Variants in TENM2 observed in about 807,000 individuals in gnomAD.
The protein encoded by TENM2 is teneurin-2.
TENM2 carries 52 observed loss-of-function variants against 245.2 expected under a neutral mutation model. The observed-to-expected ratio is 0.21, with a 90% confidence interval of 0.17 to 0.27. The LOEUF (loss-of-function observed/expected upper bound fraction) is 0.27, where lower values mean the gene tolerates loss of function less well. Among genes scored for constraint, TENM2 ranks in the 10% least tolerant of loss-of-function variants. The pLI is 1.00. For missense variants in TENM2, 3,046 were observed against 3,666.8 expected (o/e 0.83, Z 4.37); for synonymous variants, 1,363 against 1,438.9 (o/e 0.95, Z 1.19).
At chr5:167,465,786 G>A (rs959421158) in intron 2 of TENM2, among the ~76,000 whole-genome samples, 4 of 152,046 alleles carry the variant, frequency 2.6e-5, no homozygotes, top group South Asian at 2.1e-4. Context: ...AGCGGAGATC[G>A]CGCCACTGCA....
chr5:167,837,678 T>A (rs1421449477), intron 2 of TENM2, among the ~76,000 whole-genome samples: 1 of 152,196 alleles, frequency 6.6e-6, no homozygotes, highest in African/African-American at 2.4e-5. Context: ...AACTTTAAAT[T>A]CTCTGTGCTT....
In TENM2 at chr5:167,815,664, C is replaced by T. The variant is rs184642428; in HGVS notation, c.503-60322C>T. Among the ~76,000 whole-genome samples the T allele has an allele frequency of 4.2e-4, 64 of 152,234 alleles. No homozygotes were observed. In the East Asian group the frequency reaches 9.1e-3, roughly 22 times the overall value. ...ACAAAGCCTTCCTTAGAATAATGCCCACAGTGACTGTCCTCCCTAGCAATA... is the reference window on the plus strand; with the variant it reads ...ACAAAGCCTTCCTTAGAATAATGCCTACAGTGACTGTCCTCCCTAGCAATA... On this transcript the variant is annotated intron_variant, in intron 2 of 28. Transcript: ENST00000518659.
intron 2 of TENM2, among the ~76,000 whole-genome samples, chr5:167,804,198 A>G (rs1026466516): frequency 6.6e-6 from 1 of 152,022 alleles, no homozygotes; most frequent in African/African-American, 2.4e-5. Flanking sequence ...CCAAGAAAGC[A>G]TGTTTTACAG....
chr5:167,140,864 A>G, the TENM2 span, among the ~76,000 whole-genome samples: 2 of 152,208 alleles, frequency 1.3e-5, no homozygotes, highest in African/African-American at 4.8e-5. Context: ...CTTAATAAAG[A>G]CCAAGAACAA....
intron 9 of TENM2, among the ~76,000 whole-genome samples, chr5:168,114,943 T>C (rs780179555): frequency 4.6e-4 from 70 of 152,108 alleles, no homozygotes; most frequent in Non-Finnish European, 8.7e-4. Context: ...TTCTAGACAA[T>C]CCTGTTTTTT....
the TENM2 span, among the ~76,000 whole-genome samples, chr5:167,061,240 T>A: frequency 6.6e-6 from 1 of 152,238 alleles, no homozygotes; most frequent in East Asian, 1.9e-4. Context: ...AATGCTCCTA[T>A]TATACGCATT....
At chr5:168,101,303 G>A (rs1027170125) in intron 9 of TENM2, among the ~76,000 whole-genome samples, 2 of 152,128 alleles carry the variant, frequency 1.3e-5, no homozygotes, top group African/African-American at 2.4e-5. Context: ...TCAGCCGCAC[G>A]GCCCGTGAGC....
chr5:168,256,780 A>G (rs990656689), intron 27 of TENM2, among the ~76,000 whole-genome samples: 2 of 151,608 alleles, frequency 1.3e-5, no homozygotes, highest in Admixed American at 1.3e-4. Context: ...AAGTCTTTCA[A>G]TGACTAGTCT....
chr5:168,251,177 A>G (rs2152700226), intron 27 of TENM2, among the ~76,000 whole-genome samples: 1 of 152,272 alleles, frequency 6.6e-6, no homozygotes, highest in East Asian at 1.9e-4. Context: ...GAGAGGCAAT[A>G]AAGAGAAACC....
At position 168,183,754 on chromosome 5, in the gene TENM2, C is replaced by G. The variant is rs190178046; in HGVS notation, c.2570-6583C>G. ...GGGGTTCACCACCTGACTACCCAGA[C>G]TTTCCTTGGGGAAGTGACAGCTTGG... is the stretch of plus-strand genomic sequence containing the variant. On this transcript the variant is annotated intron_variant, in intron 13 of 28. Transcript: ENST00000518659. Among the ~76,000 whole-genome samples, 363 of 151,800 alleles carry G rather than the reference C, an allele frequency of 2.4e-3. 3 individuals carry two copies. Among genetic ancestry groups the G allele is most frequent in the African/African-American group, 8.3e-3 (344 of 41,312 alleles).
chr5:167,231,879 CG>C, the TENM2 span, among the ~76,000 whole-genome samples: 2 of 152,098 alleles, frequency 1.3e-5, no homozygotes, highest in East Asian at 1.9e-4. Context: ...TTTTATGGGC[CG>C]GCCCCGGGCC....
chr5:167,557,822 A>G (rs1773347927), intron 2 of TENM2, among the ~76,000 whole-genome samples: 1 of 152,196 alleles, frequency 6.6e-6, no homozygotes, highest in Non-Finnish European at 1.5e-5. Flanking sequence ...ACAAGAGAGA[A>G]TTATCTGGCC....
At chr5:167,511,557 A>T (rs1769956943) in intron 2 of TENM2, among the ~76,000 whole-genome samples, 1 of 152,206 alleles carries the variant, frequency 6.6e-6, no homozygotes, top group South Asian at 2.1e-4. Flanking sequence ...CCCTGCAATT[A>T]ACTAGGTTTG....
chr5:167,127,146 A>G, the TENM2 span, among the ~76,000 whole-genome samples: 23 of 152,194 alleles, frequency 1.5e-4, no homozygotes, highest in Non-Finnish European at 2.5e-4. Flanking sequence ...TAGGCCAAGA[A>G]TAAGAATTTG....
At chr5:168,076,648 A>C (rs1024006873) in intron 7 of TENM2, among the ~76,000 whole-genome samples, 1 of 152,224 alleles carries the variant, frequency 6.6e-6, no homozygotes, top group Non-Finnish European at 1.5e-5. Context: ...CCCAGTACAC[A>C]GAGCAGTGCC....
At chr5:167,320,869 T>C (rs533899569) in intron 1 of TENM2, among the ~76,000 whole-genome samples, 231 of 152,306 alleles carry the variant, frequency 1.5e-3, no homozygotes, top group African/African-American at 5.3e-3. Flanking sequence ...CAACTTATTT[T>C]TTATGGTTGT....
chr5:167,640,244 A>T (rs1779466541), intron 2 of TENM2, among the ~76,000 whole-genome samples: 1 of 152,184 alleles, frequency 6.6e-6, no homozygotes, highest in Non-Finnish European at 1.5e-5. Flanking sequence ...TCTCGTTTCT[A>T]ATATGGATAG....
chr5:167,992,973 G>A, exon 5 of TENM2: 1 of 1,613,908 alleles, frequency 6.2e-7, no homozygotes, highest in Middle Eastern at 1.6e-4. Flanking sequence ...TCCTCGGGGA[G>A]CACACCCTTG....
the TENM2 span, among the ~76,000 whole-genome samples, chr5:167,157,658 C>T: frequency 6.6e-6 from 1 of 152,084 alleles, no homozygotes; most frequent in African/African-American, 2.4e-5. Flanking sequence ...TATTTATTGC[C>T]ATATTAAAGC....
Sources: gnomAD v4.1 joint callset for allele counts (sites outside exome capture counted in the v4.1 genomes callset) on GRCh38, gnomAD v4.1.1 for gene constraint, MANE v1.5 for transcripts, NCBI Gene and HGNC (gene_info 2026-07-23, HGNC 2026-07-21) for gene names.